The following MYO3B variants were observed in gnomAD, a reference collection of about 807,000 sequenced individuals.
The protein encoded by MYO3B is myosin IIIB.
A neutral mutation model predicts 174.6 loss-of-function variants in MYO3B; 156 were observed. The observed-to-expected ratio is 0.89, with a 90% CI of 0.78 to 1.02. The LOEUF is 1.02. Among genes scored for constraint, MYO3B ranks in the 50% least tolerant of loss-of-function variants. The pLI is 0.00. For missense variants in MYO3B, 1,632 were observed against 1,639.4 expected, an observed-to-expected ratio of 1.00 and a Z score of 0.08; for synonymous variants, 563 against 569.1, an observed-to-expected ratio of 0.99 and a Z score of 0.15.
intron 17 of MYO3B, 74 bp from the exon 18 acceptor site, chr2:170,401,407 T>G (rs184493169): frequency 7.2e-7 from 1 of 1,389,170 alleles, no homozygotes; most frequent in East Asian, 2.3e-5. Context: ...ATAGTAGATG[T>G]TGAATAAATG....
intron 22 of MYO3B, among the ~76,000 whole-genome samples, chr2:170,434,434 A>G (rs1029364639): frequency 6.6e-6 from 1 of 152,168 alleles, no homozygotes; most frequent in African/African-American, 2.4e-5. Flanking sequence ...ACACTTGGAC[A>G]AGGGAGGGGA....
intron 32 of MYO3B, among the ~76,000 whole-genome samples, chr2:170,637,034 A>T (rs1027723185): frequency 6.6e-6 from 1 of 151,770 alleles, no homozygotes; most frequent in Non-Finnish European, 1.5e-5. Context: ...CTTGTATAAC[A>T]CAGGAGATAC....
At chr2:170,178,436 C>A in intron 1 of MYO3B, 147 bp downstream of exon 1, 2 of 1,025,178 alleles carry the variant, frequency 2.0e-6, no homozygotes, top group Non-Finnish European at 1.5e-6. Flanking sequence ...TGACATCACC[C>A]AGATTCCTGG....
At chr2:170,312,172 G>A (rs10930419) in intron 7 of MYO3B, among the ~76,000 whole-genome samples, 4,453 of 152,236 alleles carry the variant, frequency 0.029, 230 homozygotes, top group African/African-American at 0.1. Context: ...GTTTCTTCAA[G>A]GTTTCATCTT....
At chr2:170,605,730 G>A (rs1694767813) in intron 32 of MYO3B, among the ~76,000 whole-genome samples, 1 of 151,884 alleles carries the variant, frequency 6.6e-6, no homozygotes, top group Admixed American at 6.6e-5. Flanking sequence ...CTTGGTGGCG[G>A]GCGCCTGTAA....
intron 25 of MYO3B, among the ~76,000 whole-genome samples, chr2:170,470,102 CAAAAAAAAAAAAAA>C (rs34472083): frequency 1.3e-4 from 6 of 46,366 alleles, no homozygotes; most frequent in Non-Finnish European, 1.9e-4. Context: ...AACTCCGTCT[CAAAAAAAAAAAAAA>C]AAAAAAAAAA....
intron 30 of MYO3B, among the ~76,000 whole-genome samples, chr2:170,539,720 G>A (rs1390518180): frequency 4.6e-5 from 7 of 152,076 alleles, no homozygotes; most frequent in South Asian, 2.1e-4. Context: ...CCAGGGCTCA[G>A]GTAATGCTCC....
intron 32 of MYO3B, among the ~76,000 whole-genome samples, chr2:170,558,083 C>T (rs1457397192): frequency 6.6e-6 from 1 of 152,166 alleles, no homozygotes; most frequent in Non-Finnish European, 1.5e-5. Flanking sequence ...GGGCGGATCA[C>T]AAGGTCAGGA....
chr2:170,462,243 TA>T (rs1684339642), intron 23 of MYO3B, among the ~76,000 whole-genome samples: 1 of 152,222 alleles, frequency 6.6e-6, no homozygotes, highest in Admixed American at 6.5e-5. Context: ...TGCAGCTCAT[TA>T]AAATAAAGCT....
intron 32 of MYO3B, among the ~76,000 whole-genome samples, chr2:170,614,932 C>A (rs1695353334): frequency 6.6e-6 from 1 of 152,202 alleles, no homozygotes; most frequent in Admixed American, 6.5e-5. Flanking sequence ...CTCCCCCTCC[C>A]TCCCTTGCTC....
At chr2:170,444,412 C>T (rs1329421667) in intron 23 of MYO3B, among the ~76,000 whole-genome samples, 1 of 152,308 alleles carries the variant, frequency 6.6e-6, no homozygotes, top group African/African-American at 2.4e-5. Flanking sequence ...GTTGTACACT[C>T]ATCTGTGCAA....
intron 7 of MYO3B, among the ~76,000 whole-genome samples, chr2:170,291,389 G>A (rs2093595015): frequency 6.6e-6 from 1 of 152,180 alleles, no homozygotes; most frequent in Non-Finnish European, 1.5e-5. Flanking sequence ...TCAACAGGTT[G>A]CTGTAACTAT....
chr2:170,319,758 A>G (rs1331932212), intron 7 of MYO3B, among the ~76,000 whole-genome samples: 1 of 152,224 alleles, frequency 6.6e-6, no homozygotes. Context: ...AGATGAAGAG[A>G]AAATCTTGAA....
intron 22 of MYO3B, among the ~76,000 whole-genome samples, chr2:170,418,099 A>C (rs963062412): frequency 5.9e-5 from 9 of 152,202 alleles, no homozygotes; most frequent in Non-Finnish European, 1.2e-4. Context: ...AGGAGGCTTC[A>C]GTGAGGTCAC....
chr2:170,556,457 A>G (rs577642252), intron 32 of MYO3B, among the ~76,000 whole-genome samples: 1 of 152,304 alleles, frequency 6.6e-6, no homozygotes, highest in South Asian at 2.1e-4. Flanking sequence ...TTCCTTCAGC[A>G]ATGAGTGAGA....
intron 25 of MYO3B, among the ~76,000 whole-genome samples, chr2:170,494,349 C>A (rs1024853071): frequency 1.3e-5 from 2 of 152,132 alleles, no homozygotes; most frequent in African/African-American, 4.8e-5. Flanking sequence ...ATTGTGATAG[C>A]TTATATGTTT....
At chr2:170,384,659 T>C (rs1468698656) in intron 12 of MYO3B, among the ~76,000 whole-genome samples, 2 of 152,212 alleles carry the variant, frequency 1.3e-5, no homozygotes, top group East Asian at 1.9e-4. Context: ...AAAATGTCCA[T>C]AGATTTCATA....
chr2:170,539,208 T>C (rs765097663), intron 30 of MYO3B, among the ~76,000 whole-genome samples: 1 of 152,232 alleles, frequency 6.6e-6, no homozygotes, highest in Non-Finnish European at 1.5e-5. Flanking sequence ...AATAGGATTA[T>C]CTCATAAAAT....
intron 7 of MYO3B, among the ~76,000 whole-genome samples, chr2:170,326,053 C>T (rs1454867986): frequency 6.6e-6 from 1 of 152,068 alleles, no homozygotes; most frequent in African/African-American, 2.4e-5. Flanking sequence ...ATAAGCACGG[C>T]ATGTTTAACC....
Sources: gnomAD v4.1 joint callset for allele counts (sites outside exome capture counted in the v4.1 genomes callset) on GRCh38, gnomAD v4.1.1 for gene constraint, MANE v1.5 for transcripts, NCBI Gene and HGNC (gene_info 2026-07-23, HGNC 2026-07-21) for gene names.